MTMR8: variants seen among roughly 807,000 people sequenced by gnomAD.
MTMR8 encodes phosphatidylinositol-3,5-bisphosphate 3-phosphatase MTMR8.
In MTMR8, 65 loss-of-function variants were observed where a neutral mutation model predicts 39.3. The ratio of observed to expected loss-of-function variants is 1.65; its 90% CI spans 1.35 to 2.03. The LOEUF (loss-of-function observed/expected upper bound fraction) is 2.03. Among genes scored for constraint, MTMR8 ranks in the 30% most tolerant of loss-of-function variants. The pLI is 0.00. For missense variants in MTMR8, 777 were observed against 538.9 expected (o/e 1.44, Z -4.37); for synonymous variants, 245 against 185.2 (o/e 1.32, Z -2.62).
At chrX:64,276,592 G>C (rs2147127504) in intron 12 of MTMR8, among the ~76,000 whole-genome samples, 1 of 112,023 alleles carries the variant, frequency 8.9e-6, no homozygotes, top group East Asian at 2.8e-4. Flanking sequence ...GTGCAGTTTT[G>C]AGTGAGTTTC....
intron 12 of MTMR8, among the ~76,000 whole-genome samples, chrX:64,323,896 C>T (rs1321900045): frequency 8.9e-6 from 1 of 112,192 alleles, no homozygotes; most frequent in East Asian, 2.8e-4. Flanking sequence ...TACCAAAATC[C>T]TTGGGACACA....
chrX:64,285,882 T>G (rs970322168), intron 12 of MTMR8, among the ~76,000 whole-genome samples: 1 of 110,739 alleles, frequency 9.0e-6, no homozygotes, highest in Non-Finnish European at 1.9e-5. Context: ...AGGAAAGATC[T>G]AAAATTGACA....
intron 12 of MTMR8, among the ~76,000 whole-genome samples, chrX:64,313,066 T>C: frequency 8.9e-6 from 1 of 112,420 alleles, no homozygotes; most frequent in Admixed American, 9.4e-5. Flanking sequence ...TTCATCTGAA[T>C]GTCACCAGCT....
At chrX:64,290,501 T>TA (rs1921358750) in intron 12 of MTMR8, among the ~76,000 whole-genome samples, 2 of 110,682 alleles carry the variant, frequency 1.8e-5, no homozygotes, top group African/African-American at 6.6e-5. Flanking sequence ...CCCCAGTGGG[T>TA]AACTGCAGTA....
chrX:64,391,242 C>T (rs765851504), intron 1 of MTMR8, among the ~76,000 whole-genome samples: 5 of 112,195 alleles, frequency 4.5e-5, no homozygotes, highest in Non-Finnish European at 9.4e-5. Flanking sequence ...TTTCTACCCA[C>T]ACAAATGTAG....
At chrX:64,338,466 G>A (rs769724513) in intron 8 of MTMR8, among the ~76,000 whole-genome samples, 2 of 112,383 alleles carry the variant, frequency 1.8e-5, no homozygotes, top group South Asian at 7.4e-4. Flanking sequence ...GGGGAATGAT[G>A]TAACAGCGTG....
intron 1 of MTMR8, among the ~76,000 whole-genome samples, chrX:64,388,642 G>A (rs1048592647): frequency 8.9e-6 from 1 of 112,286 alleles, no homozygotes; most frequent in Non-Finnish European, 1.9e-5. Flanking sequence ...TCAAGAGTTA[G>A]AAGGAACCTT....
intron 12 of MTMR8, among the ~76,000 whole-genome samples, chrX:64,272,308 A>T (rs963804839): frequency 8.9e-6 from 1 of 112,041 alleles, no homozygotes; most frequent in Non-Finnish European, 1.9e-5. Context: ...ATCCATGAAC[A>T]AAATGAAAAT....
rs766711649 is a variant in MTMR8, at chrX:64,268,790, G to A, written c.1862C>T (p.Ala621Val). Residue 621 changes from alanine to valine, a missense_variant, in exon 14 of 14, where the codon GCC becomes GTC. Coordinates refer to ENST00000374852, the MANE Select transcript of MTMR8 (RefSeq NM_017677.4). ...GCCCACATCCCCAGAGATATTTATG[G>A]CCCTAAGGCTGCCCACAATCTCACA... ...NCCEIVGSLR[A>V]INISGDVGIS... 4.1e-6 allele frequency: 5 copies of A among 1,209,648 alleles called. No individual in the cohort carries two copies. The highest frequency in any genetic ancestry group is 1.8e-5 in the African/African-American group (1 of 56,968).
intron 5 of MTMR8, among the ~76,000 whole-genome samples, chrX:64,349,143 A>G (rs936817579): frequency 7.2e-5 from 8 of 111,836 alleles, no homozygotes; most frequent in African/African-American, 2.6e-4. Flanking sequence ...GCCCACATAA[A>G]CCATAAGCTT....
At chrX:64,308,901 G>C (rs749133987) in intron 12 of MTMR8, among the ~76,000 whole-genome samples, 1 of 111,741 alleles carries the variant, frequency 8.9e-6, no homozygotes, top group Non-Finnish European at 1.9e-5. Flanking sequence ...TGTCAAAGCT[G>C]AGTTGATTAT....
chrX:64,327,098 A>G (rs1179041212), intron 12 of MTMR8, among the ~76,000 whole-genome samples: 1 of 111,966 alleles, frequency 8.9e-6, no homozygotes, highest in Non-Finnish European at 1.9e-5. Flanking sequence ...AAACATAGGG[A>G]AAACACTTCA....
chrX:64,287,032 T>A (rs1188525432), intron 12 of MTMR8, among the ~76,000 whole-genome samples: 13 of 111,815 alleles, frequency 1.2e-4, no homozygotes, highest in African/African-American at 4.2e-4. Flanking sequence ...TGTCCCTGTT[T>A]GCAGATGACA....
At chrX:64,366,817 G>GC (rs1326568819) in intron 1 of MTMR8, among the ~76,000 whole-genome samples, 7 of 111,649 alleles carry the variant, frequency 6.3e-5, no homozygotes, top group Non-Finnish European at 1.3e-4. Context: ...GAATCCAGGA[G>GC]CTGGGTTTTT....
At chrX:64,361,016 G>A (rs1243909812) in intron 1 of MTMR8, among the ~76,000 whole-genome samples, 1 of 110,780 alleles carries the variant, frequency 9.0e-6, no homozygotes, top group East Asian at 2.8e-4. Context: ...TATTTCAAAA[G>A]GTTAATAGGA....
intron 1 of MTMR8, among the ~76,000 whole-genome samples, chrX:64,369,786 T>C (rs979252552): frequency 9.0e-6 from 1 of 111,133 alleles, no homozygotes; most frequent in East Asian, 2.8e-4. Context: ...TTATCCAGTC[T>C]CAGGTATTTC....
intron 12 of MTMR8, among the ~76,000 whole-genome samples, chrX:64,283,673 C>A (rs750643740): frequency 1.8e-5 from 2 of 112,432 alleles, no homozygotes; most frequent in South Asian, 3.7e-4. Context: ...GAGCAATATT[C>A]GCTGTTCTGC....
chrX:64,303,847 C>T (rs985244944), intron 12 of MTMR8, among the ~76,000 whole-genome samples: 1 of 111,936 alleles, frequency 8.9e-6, no homozygotes, highest in East Asian at 2.8e-4. Flanking sequence ...CTCTACAGGA[C>T]CCAACAAAAT....
chrX:64,377,655 G>C (rs752232799), intron 1 of MTMR8, among the ~76,000 whole-genome samples: 2 of 112,307 alleles, frequency 1.8e-5, no homozygotes, highest in East Asian at 5.6e-4. Flanking sequence ...ATAAGCACAA[G>C]GGATGTGTCT....
Sources: allele counts gnomAD v4.1 joint callset (sites outside exome capture counted in the v4.1 genomes callset), GRCh38; gene constraint gnomAD v4.1.1; transcripts MANE v1.5; gene names NCBI Gene and HGNC (gene_info 2026-07-23, HGNC 2026-07-21).